Variants in STK33 observed in about 807,000 individuals in gnomAD.
STK33 encodes the protein serine/threonine-protein kinase 33.
STK33 carries 52 observed loss-of-function variants against 58.0 expected under a neutral mutation model. The ratio of observed to expected loss-of-function variants is 0.90; its 90% confidence interval spans 0.72 to 1.13. The LOEUF (loss-of-function observed/expected upper bound fraction) is 1.13. Ranked by LOEUF, STK33 falls within the 50% of genes most tolerant of loss-of-function variation. STK33 has a pLI of 0.00. For synonymous variants in STK33, 215 were observed against 200.1 expected (o/e 1.07, Z -0.63); for missense variants, 630 against 604.2 (o/e 1.04, Z -0.45).
At chr11:8,343,569 T>G in the STK33 span, among the ~76,000 whole-genome samples, 4 of 152,170 alleles carry the variant, frequency 2.6e-5, no homozygotes, top group African/African-American at 7.2e-5. Context: ...AGGGAAAGGG[T>G]GGGGACTGGG....
At chr11:8,498,489 A>G (rs12291138) in intron 1 of STK33, among the ~76,000 whole-genome samples, 5,734 of 152,294 alleles carry the variant, frequency 0.038, 206 homozygotes, top group Admixed American at 0.072. Flanking sequence ...GGAAGAATCA[A>G]TATCATGAAA....
At chr11:8,346,921 T>C in the STK33 span, among the ~76,000 whole-genome samples, 1 of 152,346 alleles carries the variant, frequency 6.6e-6, no homozygotes, top group East Asian at 1.9e-4. Flanking sequence ...ACATTCAAGA[T>C]GTGCAAAATC....
At chr11:8,468,034 C>G (rs1042713738) in intron 6 of STK33, among the ~76,000 whole-genome samples, 2 of 152,098 alleles carry the variant, frequency 1.3e-5, no homozygotes, top group African/African-American at 4.8e-5. Context: ...TCCATTTTCA[C>G]ACTGCTGATA....
chr11:8,492,554 C>A (rs1278971116), intron 1 of STK33, among the ~76,000 whole-genome samples: 1 of 152,176 alleles, frequency 6.6e-6, no homozygotes, highest in East Asian at 1.9e-4. Context: ...AGAAAGTTAA[C>A]AAGGATATCC....
At chr11:8,388,848 C>T (rs573113192), downstream of STK33, among the ~76,000 whole-genome samples, 1 of 152,318 alleles carries the variant, frequency 6.6e-6, no homozygotes, top group Admixed American at 6.5e-5. Context: ...GTATCCTGCC[C>T]TACCTGGGTC....
intron 1 of STK33, among the ~76,000 whole-genome samples, chr11:8,484,525 A>G (rs1452026765): frequency 6.6e-6 from 1 of 152,236 alleles, no homozygotes; most frequent in Non-Finnish European, 1.5e-5. Context: ...TTGATGGAAT[A>G]GCCTACGAGC....
intron 1 of STK33, among the ~76,000 whole-genome samples, chr11:8,500,535 A>AATAT (rs2085773131): frequency 6.6e-6 from 1 of 152,202 alleles, no homozygotes; most frequent in African/African-American, 2.4e-5. Context: ...ATGAAACTAT[A>AATAT]AAACTTCATT....
At chr11:8,364,935 C>T in the STK33 span, among the ~76,000 whole-genome samples, 6 of 151,738 alleles carry the variant, frequency 4.0e-5, no homozygotes, top group South Asian at 2.1e-4. Context: ...TGTGACCCCC[C>T]CCGCCCCGCC....
At chr11:8,373,569 A>AG in the STK33 span, among the ~76,000 whole-genome samples, 1 of 152,022 alleles carries the variant, frequency 6.6e-6, no homozygotes, top group Non-Finnish European at 1.5e-5. Context: ...AATAGACAGG[A>AG]GGGGCCTCCA....
chr11:8,462,406 T>TAC (rs1318215437), intron 7 of STK33, among the ~76,000 whole-genome samples: 1 of 146,518 alleles, frequency 6.8e-6, no homozygotes, highest in Non-Finnish European at 1.5e-5. Context: ...TATATACATA[T>TAC]ATATACACAC....
intron 15 of STK33, among the ~76,000 whole-genome samples, chr11:8,406,038 C>G (rs111404234): frequency 0.2 from 29,896 of 149,268 alleles, 3,346 homozygotes; most frequent in African/African-American, 0.31. Flanking sequence ...AGCTACTCCG[C>G]AGGCTGAGGC....
At chr11:8,373,066 G>A in the STK33 span, among the ~76,000 whole-genome samples, 2 of 152,236 alleles carry the variant, frequency 1.3e-5, no homozygotes. Flanking sequence ...CTAACCTCAG[G>A]TGGGCTGTCT....
intron 14 of STK33, among the ~76,000 whole-genome samples, chr11:8,430,765 A>G (rs1407532195): frequency 6.6e-6 from 1 of 152,162 alleles, no homozygotes; most frequent in East Asian, 1.9e-4. Flanking sequence ...AGCACATAGT[A>G]GCTATCCAAT....
chr11:8,470,305 A>T (rs1948653010), intron 6 of STK33, among the ~76,000 whole-genome samples: 1 of 152,074 alleles, frequency 6.6e-6, no homozygotes, highest in Non-Finnish European at 1.5e-5. Flanking sequence ...CTCCTGAACC[A>T]ATCTGTGCTA....
chr11:8,428,840 T>A (rs1943080459), intron 14 of STK33, among the ~76,000 whole-genome samples: 1 of 152,168 alleles, frequency 6.6e-6, no homozygotes, highest in Admixed American at 6.5e-5. Context: ...TTCTAAAAAA[T>A]TATAATCATG....
At chr11:8,337,010 CA>C in the STK33 span, among the ~76,000 whole-genome samples, 1 of 152,246 alleles carries the variant, frequency 6.6e-6, no homozygotes, top group South Asian at 2.1e-4. Flanking sequence ...GCCCAGGCCT[CA>C]ATCGTGATCA....
At chr11:8,592,379 T>C (rs1386996370) in intron 1 of STK33, among the ~76,000 whole-genome samples, 1 of 152,222 alleles carries the variant, frequency 6.6e-6, no homozygotes, top group Non-Finnish European at 1.5e-5. Context: ...AAGATTTCAC[T>C]TAAAACATAT....
chr11:8,563,936 G>T (rs1336643979), intron 1 of STK33, among the ~76,000 whole-genome samples: 2 of 151,644 alleles, frequency 1.3e-5, no homozygotes, highest in Non-Finnish European at 1.5e-5. Flanking sequence ...GAACTGTGGG[G>T]AAAAAAAAGA....
intron 1 of STK33, among the ~76,000 whole-genome samples, chr11:8,581,955 C>G (rs1178958508): frequency 6.6e-6 from 1 of 152,212 alleles, no homozygotes; most frequent in Non-Finnish European, 1.5e-5. Context: ...ACCACTAATA[C>G]AGCACTCAAC....
Sources: gnomAD v4.1 joint callset for allele counts (sites outside exome capture counted in the v4.1 genomes callset) on GRCh38, gnomAD v4.1.1 for gene constraint, MANE v1.5 for transcripts, NCBI Gene and HGNC (gene_info 2026-07-23, HGNC 2026-07-21) for gene names.